Variants in PKM observed in about 807,000 individuals in gnomAD.
The protein encoded by PKM is pyruvate kinase M1/2.
In PKM, 18 loss-of-function variants were observed where a neutral mutation model predicts 49.8. The ratio of observed to expected loss-of-function variants is 0.36; its 90% CI spans 0.25 to 0.54. The LOEUF is 0.54. Among genes scored for constraint, PKM ranks in the 20% least tolerant of loss-of-function variants. The pLI, the probability that PKM is intolerant of heterozygous loss-of-function variation, is 0.89. For synonymous variants in PKM, 239 were observed against 261.8 expected (o/e 0.91, Z 0.84); for missense variants, 508 against 713.8 (o/e 0.71, Z 3.28).
chr15:72,211,178 G>A (rs2082243253), intron 3 of PKM, among the ~76,000 whole-genome samples: 1 of 151,394 alleles, frequency 6.6e-6, no homozygotes, highest in African/African-American at 2.4e-5. Flanking sequence ...CCATTCTCCT[G>A]CCTCTCAGCC....
At chr15:72,201,006 C>T (rs1017398028) in intron 9 of PKM, 8 of 236,846 alleles carry the variant, frequency 3.4e-5, no homozygotes, top group Non-Finnish European at 6.7e-5. Context: ...CCCAATGTCA[C>T]CAGCACCCAT....
chr15:72,229,776 G>A (rs1185714107), intron 1 of PKM: 2 of 976,480 alleles, frequency 2.0e-6, no homozygotes, highest in African/African-American at 3.4e-5. Context: ...CCCCCAAACA[G>A]CCCTTGACCC....
At chr15:72,223,675 C>T (rs986939504) in intron 1 of PKM, among the ~76,000 whole-genome samples, 1 of 152,198 alleles carries the variant, frequency 6.6e-6, no homozygotes. Flanking sequence ...GACGGGCCAG[C>T]AGAACCTAGT....
chr15:72,221,947 A>G (rs2082537665), intron 1 of PKM, among the ~76,000 whole-genome samples: 1 of 148,332 alleles, frequency 6.7e-6, no homozygotes, highest in Non-Finnish European at 1.5e-5. Context: ...AAAAAAGTCC[A>G]CAGGATAATC....
At chr15:72,224,689 A>T (rs892268104) in intron 1 of PKM, among the ~76,000 whole-genome samples, 2 of 151,812 alleles carry the variant, frequency 1.3e-5, no homozygotes, top group African/African-American at 4.8e-5. Context: ...ATGGTGAAAC[A>T]CCATCACTAC....
intron 1 of PKM, among the ~76,000 whole-genome samples, chr15:72,230,373 A>T (rs1014110493): frequency 6.6e-6 from 1 of 152,118 alleles, no homozygotes; most frequent in African/African-American, 2.4e-5. Context: ...GGGCCTCAGC[A>T]CCGCCCGAGC....
intron 1 of PKM, among the ~76,000 whole-genome samples, chr15:72,220,399 G>A (rs527911169): frequency 1.1e-4 from 17 of 152,130 alleles, no homozygotes; most frequent in Non-Finnish European, 1.8e-4. Context: ...TGGGTGGCTC[G>A]AGTAGAGTAT....
rs1390488326 is a variant in PKM, at chr15:72,211,721, G to C, written c.247-1243C>G. 2.0e-5 allele frequency among the ~76,000 whole-genome samples: 3 copies of C among 151,524 alleles called. No homozygotes were observed. The East Asian group carries it at 5.8e-4, about 29-fold the overall frequency. On this transcript the variant is annotated intron_variant, in intron 3 of 10. Transcript: ENST00000335181. ...GGTCCCAGCTACTTGTGAGGCTGAG[G>C]TGGGTTATGTCTAGGAGGTCAAGGC... is the stretch of plus-strand genomic sequence containing the variant.
At chr15:72,213,612 G>C (rs1025888380) in intron 3 of PKM, among the ~76,000 whole-genome samples, 1 of 152,150 alleles carries the variant, frequency 6.6e-6, no homozygotes, top group Admixed American at 6.5e-5. Context: ...TGTATTTTTA[G>C]TAGAGACAGG....
intron 1 of PKM, among the ~76,000 whole-genome samples, chr15:72,225,347 A>G (rs1342832697): frequency 3.3e-5 from 5 of 150,036 alleles, no homozygotes; most frequent in African/African-American, 1.2e-4. Flanking sequence ...TTTTTTTTCT[A>G]TTTTATTTAT....
At chr15:72,221,714 A>G (rs1259232254) in intron 1 of PKM, among the ~76,000 whole-genome samples, 1 of 152,194 alleles carries the variant, frequency 6.6e-6, no homozygotes, top group African/African-American at 2.4e-5. Flanking sequence ...GAAGACACCA[A>G]TTCCATTAAT....
At position 72,210,327 on chromosome 15, in the gene PKM, G is replaced by A. The variant is rs201389547; in HGVS notation, c.378+20C>T. ...ATATTGCCTACTGAGCCTTCCCCTC[G>A]CTCTCCGCAGAATACTCACGCCCTT... On this transcript the variant is annotated intron_variant, in intron 4 of 10. Transcript: ENST00000335181. 1.6e-5 allele frequency: 25 copies of A among 1,611,572 alleles called. No homozygotes were observed. In the East Asian group the frequency reaches 4.7e-4, roughly 30 times the overall value.
rs892214404 is a variant in PKM at position 72,230,873 on chromosome 15, G to A, written c.-14+243C>T. 4 of 1,242,162 alleles carry A rather than the reference G, an allele frequency of 3.2e-6. No individual in the cohort carries two copies. The African/African-American group carries it at 4.6e-5, about 14-fold the overall frequency. The allele number at this position is 1,242,162 out of a possible 1,614,324, so 76.9% of individuals were successfully genotyped here. A position where few individuals can be genotyped will look rare whatever the true frequency, so the allele number is the denominator to read the frequency against. On this transcript the variant is annotated intron_variant, in intron 1 of 10. Transcript: ENST00000335181. ...GGACCAGAATGAGGGGGTAGGGCTG[G>A]GGCGGGAAAGGAGCCGGCGGACCCG... is the stretch of plus-strand genomic sequence containing the variant.
intron 5 of PKM, among the ~76,000 whole-genome samples, chr15:72,209,224 C>T (rs1407739691): frequency 6.6e-6 from 1 of 151,496 alleles, no homozygotes; most frequent in African/African-American, 2.4e-5. Flanking sequence ...AAAAAATTAG[C>T]CGGGTGTGGT....
At chr15:72,203,028 G>A (rs1567103114) in intron 8 of PKM, 1 of 1,614,090 alleles carries the variant, frequency 6.2e-7, no homozygotes, top group East Asian at 2.2e-5. Flanking sequence ...CTACCTGCCA[G>A]ACTCCGTCAG....
chr15:72,214,832 C>T (rs765508409), intron 3 of PKM, among the ~76,000 whole-genome samples: 5 of 151,994 alleles, frequency 3.3e-5, no homozygotes, highest in Non-Finnish European at 7.4e-5. Context: ...ATCTGGAAAA[C>T]ATGGCATATG....
chr15:72,224,196 G>A (rs1417621017), intron 1 of PKM, among the ~76,000 whole-genome samples: 1 of 152,196 alleles, frequency 6.6e-6, no homozygotes, highest in Non-Finnish European at 1.5e-5. Flanking sequence ...TGGTTTGGGG[G>A]AAGCATTAGT....
intron 1 of PKM, among the ~76,000 whole-genome samples, chr15:72,224,726 G>A (rs1022427799): frequency 2.0e-5 from 3 of 151,780 alleles, no homozygotes; most frequent in African/African-American, 7.3e-5. Flanking sequence ...AGCCAGGCGC[G>A]CACCTGTAAT....
At position 72,218,950 on chromosome 15, in the gene PKM, T is replaced by C. The variant is rs1173798280; in HGVS notation, c.148A>G (p.Thr50Ala). ...AAGGGGCACACCCACTCACCAATGG[T>C]ACAGATGATGCCAGTGTTCCGGGCT... ...ITARNTGIIC[T>A]IGPASRSVET... The change falls in exon 2 of 11, where the codon ACC becomes GCC. Residue 50 changes from threonine (T) to alanine (A), a missense_variant. Coordinates refer to ENST00000335181, the MANE Select transcript of PKM (RefSeq NM_002654.6). The C allele has an allele frequency of 6.2e-7, 1 of 1,614,120 alleles. No individual in the cohort carries two copies. The highest frequency in any genetic ancestry group is 1.7e-5 in the Admixed American group (1 of 60,014).
Sources: allele counts gnomAD v4.1 joint callset (sites outside exome capture counted in the v4.1 genomes callset), GRCh38; gene constraint gnomAD v4.1.1; transcripts MANE v1.5; gene names NCBI Gene and HGNC (gene_info 2026-07-23, HGNC 2026-07-21).